TERF2IP: variants seen among roughly 807,000 people sequenced by gnomAD.
TERF2IP encodes telomeric repeat-binding factor 2-interacting protein 1.
In TERF2IP, 35 loss-of-function variants were observed where a neutral mutation model predicts 33.3. That is an observed-to-expected ratio of 1.05 (90% CI 0.80 to 1.39). The LOEUF (loss-of-function observed/expected upper bound fraction) is 1.39. Ranked by LOEUF, TERF2IP falls within the 40% of genes most tolerant of loss-of-function variation. The probability of loss-of-function intolerance (pLI) is 0.00; values close to 1 mark genes in which losing one functional copy is unlikely to be tolerated. For synonymous variants in TERF2IP, 253 were observed against 223.2 expected (o/e 1.13, Z -1.19); for missense variants, 583 against 524.8 (o/e 1.11, Z -1.08).
chr16:75,648,552 G>A lies in TERF2IP; in HGVS notation c.670G>A (p.Glu224Lys), dbSNP rs2082321314. The A allele has an allele frequency of 1.9e-6, 3 of 1,548,554 alleles. No individual in the cohort carries two copies. The highest frequency in any genetic ancestry group is 2.0e-5 in the Admixed American group (1 of 51,162). Residue 224 changes from glutamate (E) to lysine (K), a missense_variant and splice_region_variant, in exon 1 of 3, where the codon GAA (glutamate) becomes AAA (lysine). Glu to Lys is a moderately conservative substitution (Grantham distance 56, BLOSUM62 1). Transcript: ENST00000300086. ...GGACCCGGAGGCCGCGGATAGCGGG[G>A]GTGAGGAGGCTGAGCGCGGGGCCTC... ...EEDPEAADSGEPQNKRTPDLP... is the reference protein window; with the variant it reads ...EEDPEAADSGKPQNKRTPDLP...
intron 1 of TERF2IP, among the ~76,000 whole-genome samples, chr16:75,653,462 C>G (rs540882424): frequency 1.3e-5 from 2 of 152,126 alleles, no homozygotes; most frequent in Non-Finnish European, 2.9e-5. Context: ...TAGAACAATT[C>G]CATCACGAAA....
intron 1 of TERF2IP, among the ~76,000 whole-genome samples, chr16:75,652,064 T>A (rs2082351789): frequency 6.6e-6 from 1 of 152,176 alleles, no homozygotes; most frequent in African/African-American, 2.4e-5. Flanking sequence ...TAACGTATAT[T>A]CCCTTAAACA....
chr16:75,654,794 T>G (rs1187841202), intron 2 of TERF2IP, among the ~76,000 whole-genome samples: 1 of 152,164 alleles, frequency 6.6e-6, no homozygotes, highest in Non-Finnish European at 1.5e-5. Flanking sequence ...AGTGGTGCGA[T>G]CTTGGCTCAC....
In TERF2IP at chr16:75,656,533, TGAG is replaced by T. The variant is rs1337378316; in HGVS notation, c.1125_1127del (p.Glu375del). On this transcript the variant is annotated inframe_deletion, in exon 3 of 3. Coordinates refer to ENST00000300086, the MANE Select transcript of TERF2IP (RefSeq NM_018975.4). ...ATGACATAGATTTGCAAAAAGATGATGAGGATACCAGAGAGGCATTGGTCAAAA... is the reference window on the plus strand; with the variant it reads ...ATGACATAGATTTGCAAAAAGATGATGATACCAGAGAGGCATTGGTCAAAA... 1 of 1,614,152 alleles carries T rather than the reference TGAG, an allele frequency of 6.2e-7. No homozygotes were observed. Among genetic ancestry groups the T allele is most frequent in the Admixed American group, 1.7e-5 (1 of 60,018 alleles).
chr16:75,650,609 C>T (rs1307371502), intron 1 of TERF2IP, among the ~76,000 whole-genome samples: 2 of 152,146 alleles, frequency 1.3e-5, no homozygotes, highest in South Asian at 2.1e-4. Flanking sequence ...GATCACGGCT[C>T]ACTGCAGCCT....
At position 75,656,685 on chromosome 16, in the gene TERF2IP, T is replaced by G; in HGVS notation, c.*74T>G. Reference sequence around the variant, plus strand: ...AAAAAAAATTGTGACCAATGAACTTTAGAGAGTTCTTGCATTGGAACTGGC... The same window carrying G: ...AAAAAAAATTGTGACCAATGAACTTGAGAGAGTTCTTGCATTGGAACTGGC... On this transcript the variant is annotated 3_prime_UTR_variant, in exon 3 of 3. Coordinates refer to ENST00000300086, the MANE Select transcript of TERF2IP (RefSeq NM_018975.4). 1 of 1,405,996 alleles carries G rather than the reference T, an allele frequency of 7.1e-7. No homozygotes were observed. Among genetic ancestry groups the G allele is most frequent in the Non-Finnish European group, 9.7e-7 (1 of 1,035,750 alleles). 87.1% of individuals were successfully genotyped at this position (1,405,996 alleles called of 1,614,324 possible). A position where few individuals can be genotyped will look rare whatever the true frequency, so the allele number is the denominator to read the frequency against.
Position 75,656,856 on chromosome 16 carries a change from G to T in TERF2IP, c.*245G>T. Reference sequence around the variant, plus strand: ...AGTATCAATGTGTTTATGAAAGGAAGATCTAAATCAGACAGGAGTTGGTCT... The same window carrying T: ...AGTATCAATGTGTTTATGAAAGGAATATCTAAATCAGACAGGAGTTGGTCT... On this transcript the variant is annotated 3_prime_UTR_variant, in exon 3 of 3. Coordinates refer to ENST00000300086, the MANE Select transcript of TERF2IP (RefSeq NM_018975.4). The T allele has an allele frequency of 2.1e-6, 1 of 479,410 alleles. No individual in the cohort carries two copies. Among genetic ancestry groups the T allele is most frequent in the Non-Finnish European group, 3.7e-6 (1 of 271,046 alleles). 29.7% of individuals were successfully genotyped at this position (479,410 alleles called of 1,614,324 possible). A position where few individuals can be genotyped will look rare whatever the true frequency, so the allele number is the denominator to read the frequency against.
chr16:75,649,515 G>C (rs1268075034), intron 1 of TERF2IP, among the ~76,000 whole-genome samples: 1 of 151,480 alleles, frequency 6.6e-6, no homozygotes, highest in Non-Finnish European at 1.5e-5. Context: ...CTGCTCTCCA[G>C]CGTGGGTGAC....
At chr16:75,653,163 A>G (rs7195089) in intron 1 of TERF2IP, among the ~76,000 whole-genome samples, 19,693 of 152,222 alleles carry the variant, frequency 0.13, 2,680 homozygotes, top group African/African-American at 0.35. Flanking sequence ...CCATTAATGT[A>G]TCAATTGACA....
Position 75,656,369 on chromosome 16 carries a change from C to T in TERF2IP, c.958C>T (p.Gln320Ter). The change falls in exon 3 of 3, where the codon CAG becomes TAG. Residue 320 changes from glutamine (Q) to a stop codon, truncating the protein, a stop_gained. Coordinates refer to ENST00000300086, the MANE Select transcript of TERF2IP (RefSeq NM_018975.4). LOFTEE classifies it high-confidence loss of function. The part of the protein sequence containing the change: ...EVGAAIKIIR[Q>*]LMEKFNLDLS... ...GGGAGCTGCCATTAAGATCATTCGG[C>T]AGTTAATGGAGAAGTTTAACTTGGA... The T allele has an allele frequency of 6.2e-7, 1 of 1,614,142 alleles. No individual in the cohort carries two copies. Among genetic ancestry groups the T allele is most frequent in the Non-Finnish European group, 8.5e-7 (1 of 1,180,018 alleles).
At chr16:75,656,127 T>C (rs1286761936) in intron 2 of TERF2IP, 80 bp from the exon 3 acceptor site, 2 of 1,378,164 alleles carry the variant, frequency 1.5e-6, no homozygotes, top group Admixed American at 2.3e-5. Flanking sequence ...GGCAAGGGGG[T>C]GATAGTTGGA....
At chr16:75,651,188 G>C (rs146551090) in intron 1 of TERF2IP, among the ~76,000 whole-genome samples, 74 of 152,238 alleles carry the variant, frequency 4.9e-4, no homozygotes, top group African/African-American at 1.8e-3. Context: ...AATAAAGTCA[G>C]AGGGCATGCT....
Position 75,648,481 on chromosome 16 carries a change from C to T in TERF2IP, c.599C>T (p.Ala200Val). 1 of 1,591,722 alleles carries T rather than the reference C, an allele frequency of 6.3e-7. No homozygotes were observed. Among genetic ancestry groups the T allele is most frequent in the South Asian group, 1.1e-5 (1 of 87,698 alleles). ...GQEHKYLLGD[A>V]PVSPSSQKLK... Reference sequence around the variant, plus strand: ...GAGCATAAGTACCTGCTGGGGGACGCGCCGGTGAGCCCCTCCTCCCAGAAG... The same window carrying T: ...GAGCATAAGTACCTGCTGGGGGACGTGCCGGTGAGCCCCTCCTCCCAGAAG... The change falls in exon 1 of 3, where the codon GCG becomes GTG. Residue 200 changes from alanine to valine, a missense_variant. Coordinates refer to ENST00000300086, the MANE Select transcript of TERF2IP (RefSeq NM_018975.4).
At chr16:75,648,644 C>T (rs1362821618) in intron 1 of TERF2IP, 92 bp downstream of exon 1, 9 of 1,440,028 alleles carry the variant, frequency 6.2e-6, no homozygotes, top group Non-Finnish European at 8.2e-6. Context: ...TTGGCATCTT[C>T]GGTAGCAGCG....
At chr16:75,655,995 A>G (rs1460838542) in intron 2 of TERF2IP, among the ~76,000 whole-genome samples, 1 of 152,088 alleles carries the variant, frequency 6.6e-6, no homozygotes, top group Non-Finnish European at 1.5e-5. Context: ...ACACGTGCAC[A>G]CACACACGCG....
At chr16:75,653,351 A>G (rs558652626) in intron 1 of TERF2IP, among the ~76,000 whole-genome samples, 6 of 152,244 alleles carry the variant, frequency 3.9e-5, no homozygotes, top group African/African-American at 1.4e-4. Context: ...GGTTGTCATC[A>G]TGAAATTATA....
intron 1 of TERF2IP, 93 bp downstream of exon 1, chr16:75,648,645 G>C (rs1226447248): frequency 4.2e-6 from 6 of 1,441,078 alleles, no homozygotes; most frequent in South Asian, 1.4e-5. Context: ...TGGCATCTTC[G>C]GTAGCAGCGC....
chr16:75,647,910 G>A lies in TERF2IP; in HGVS notation c.28G>A (p.Asp10Asn). The change falls in exon 1 of 3, where the codon GAC becomes AAC. Residue 10 changes from aspartate (D) to asparagine (N), a missense_variant. Transcript: ENST00000300086. MAEAMDLGKDPNGPTHSSTL... is the reference protein window; with the variant it reads MAEAMDLGKNPNGPTHSSTL... ...GGCGGAGGCGATGGATTTGGGCAAAGACCCCAACGGGCCCACCCATTCCTC... is the reference window on the plus strand; with the variant it reads ...GGCGGAGGCGATGGATTTGGGCAAAAACCCCAACGGGCCCACCCATTCCTC... 8 of 1,608,932 alleles carry A rather than the reference G, an allele frequency of 5.0e-6. No individual in the cohort carries two copies. The highest frequency in any genetic ancestry group is 6.8e-6 in the Non-Finnish European group (8 of 1,176,128).
At chr16:75,649,420 T>C (rs903257057) in intron 1 of TERF2IP, among the ~76,000 whole-genome samples, 2 of 151,946 alleles carry the variant, frequency 1.3e-5, no homozygotes, top group Non-Finnish European at 2.9e-5. Context: ...GGAGAGTTCC[T>C]GTAGTCCCAG....
Sources: gnomAD v4.1 joint callset for allele counts (sites outside exome capture counted in the v4.1 genomes callset) on GRCh38, gnomAD v4.1.1 for gene constraint, MANE v1.5 for transcripts, NCBI Gene and HGNC (gene_info 2026-07-23, HGNC 2026-07-21) for gene names.